ARAP3: variants seen among roughly 807,000 people sequenced by gnomAD.
The protein encoded by ARAP3 is arf-GAP with Rho-GAP domain, ANK repeat and PH domain-containing protein 3.
ARAP3 carries 82 observed loss-of-function variants against 169.2 expected under a neutral mutation model. The observed-to-expected ratio is 0.48, with a 90% CI of 0.41 to 0.58. ARAP3 has a LOEUF of 0.58. Among genes scored for constraint, ARAP3 ranks in the 20% least tolerant of loss-of-function variants. ARAP3 has a pLI of 0.00. For synonymous variants in ARAP3, 791 were observed against 800.3 expected (o/e 0.99, Z 0.20); for missense variants, 1,764 against 2,018.0 (o/e 0.87, Z 2.41).
Position 141,671,504 on chromosome 5 carries a change from A to T in ARAP3, c.1854+66T>A. 6.2e-7 allele frequency: 1 copy of T among 1,608,844 alleles called. No individual in the cohort carries two copies. The highest frequency in any genetic ancestry group is 1.7e-5 in the Admixed American group (1 of 59,572). Reference sequence around the variant, plus strand: ...CAGTCCCCACCACCCAAGTCTAGGCATTCCAACTCCAGAGAGTGTTTCCTG... The same window carrying T: ...CAGTCCCCACCACCCAAGTCTAGGCTTTCCAACTCCAGAGAGTGTTTCCTG... On this transcript the variant is annotated intron_variant, in intron 12 of 32. Coordinates refer to ENST00000239440, the MANE Select transcript of ARAP3 (RefSeq NM_022481.6). The surrounding 1 kb of genome is among the most constrained non-coding windows in gnomAD (Gnocchi z 4.9).
intron 25 of ARAP3, 55 bp from the exon 26 acceptor site, chr5:141,656,901 C>G (rs2099909332): frequency 3.2e-6 from 5 of 1,550,032 alleles, no homozygotes; most frequent in Admixed American, 2.0e-5. Context: ...TACTAAGCCC[C>G]CAGCTCTCAC....
At chr5:141,666,671 A>C in intron 16 of ARAP3, 28 bp from the exon 17 acceptor site, 5 of 1,230,652 alleles carry the variant, frequency 4.1e-6, no homozygotes, top group African/African-American at 1.6e-5. Context: ...GGACAGGAGA[A>C]AGGGGGATGG....
Position 141,671,808 on chromosome 5 carries a change from TTC to T in ARAP3, c.1672-58_1672-57del, listed in dbSNP as rs2099911488. 1 of 1,607,608 alleles carries T rather than the reference TTC, an allele frequency of 6.2e-7. No individual in the cohort carries two copies. The highest frequency in any genetic ancestry group is 8.5e-7 in the Non-Finnish European group (1 of 1,175,882). On this transcript the variant is annotated intron_variant, in intron 11 of 32. Coordinates refer to ENST00000239440, the MANE Select transcript of ARAP3 (RefSeq NM_022481.6). This position sits in a 1 kb window ranked among gnomAD's most constrained non-coding sequence, Gnocchi z 4.9. ...ACAGGAACTCAAGAGTCCTCAGATG[TTC>T]CATTCCTGTCCCCAGGCTGGCCCAA...
Position 141,672,031 on chromosome 5 carries a change from TGGCACG to T in ARAP3, c.1586-57_1586-52del. ...GGTGTGTGAGGGTGTGAGGGGCATGTGGCACGGGTACCCTGAGCCCTCTAGTCCCAG... is the reference window on the plus strand; with the variant it reads ...GGTGTGTGAGGGTGTGAGGGGCATGTGGTACCCTGAGCCCTCTAGTCCCAG... On this transcript the variant is annotated intron_variant, in intron 10 of 32. Coordinates refer to ENST00000239440, the MANE Select transcript of ARAP3 (RefSeq NM_022481.6). The surrounding 1 kb of genome is among the most constrained non-coding windows in gnomAD (Gnocchi z 4.9). 3 of 1,613,912 alleles carry T rather than the reference TGGCACG, an allele frequency of 1.9e-6. No individual in the cohort carries two copies. The highest frequency in any genetic ancestry group is 2.5e-6 in the Non-Finnish European group (3 of 1,179,876).
At position 141,672,320 on chromosome 5, in the gene ARAP3, G is replaced by A. The variant is rs753215393; in HGVS notation, c.1386-19C>T. ...TGTGAAGCTGAGGGGTGGACAGCCA[G>A]TCCATGGGCATGGACCTACCTGCCA... On this transcript the variant is annotated intron_variant, in intron 9 of 32. Coordinates refer to ENST00000239440, the MANE Select transcript of ARAP3 (RefSeq NM_022481.6). The surrounding 1 kb of genome is among the most constrained non-coding windows in gnomAD (Gnocchi z 4.9). 1 of 1,613,722 alleles carries A rather than the reference G, an allele frequency of 6.2e-7. No homozygotes were observed. The highest frequency in any genetic ancestry group is 1.7e-5 in the Admixed American group (1 of 59,996).
In ARAP3 at chr5:141,659,491, A is replaced by G; in HGVS notation, c.3268-15T>C. 6.2e-7 allele frequency: 1 copy of G among 1,614,024 alleles called. No individual in the cohort carries two copies. Among genetic ancestry groups the G allele is most frequent in the African/African-American group, 1.3e-5 (1 of 75,046 alleles). On this transcript the variant is annotated splice_polypyrimidine_tract_variant and intron_variant, in intron 22 of 32. Transcript: ENST00000239440. ...TCAGAATCGATCTGTGAAAGAGCCAAAAGAGAGTGTTGGGGTGCTGGAAGA... is the reference window on the plus strand; with the variant it reads ...TCAGAATCGATCTGTGAAAGAGCCAGAAGAGAGTGTTGGGGTGCTGGAAGA...
intron 4 of ARAP3, among the ~76,000 whole-genome samples, chr5:141,675,623 T>G (rs1025850551): frequency 1.3e-5 from 2 of 151,566 alleles, no homozygotes; most frequent in African/African-American, 4.9e-5. Flanking sequence ...CTCGGGAGGC[T>G]GAGGCAAGAT....
intron 1 of ARAP3, 60 bp from the exon 2 acceptor site, chr5:141,680,563 G>A (rs2099912820): frequency 6.7e-7 from 1 of 1,498,950 alleles, no homozygotes; most frequent in Non-Finnish European, 8.9e-7. Context: ...CTCTGCCCCA[G>A]AGTCTGAGGC....
At position 141,679,591 on chromosome 5, in the gene ARAP3, CG is replaced by C. The variant is rs2154599309; in HGVS notation, c.651del (p.Asp218ThrfsTer77). ...GVQPVGTPGA[P>X]DRRESRGVCQ... is the part of the protein sequence containing the mutation. ...CAAACACCTCTGCTCTCTCTTCTGT[CG>C]GGGGCTCCTGGAGTCCCCACAGGTT... is the stretch of plus-strand genomic sequence containing the variant. On this transcript the variant is annotated frameshift_variant, in exon 4 of 33. Transcript: ENST00000239440. LOFTEE classifies it high-confidence loss of function. The C allele has an allele frequency of 1.9e-6, 3 of 1,614,048 alleles. No homozygotes were observed. Among genetic ancestry groups the C allele is most frequent in the Non-Finnish European group, 2.5e-6 (3 of 1,180,002 alleles).
intron 19 of ARAP3, 61 bp downstream of exon 19, chr5:141,664,861 A>T: frequency 4.7e-6 from 2 of 422,242 alleles, no homozygotes; most frequent in Non-Finnish European, 9.5e-6. Flanking sequence ...CACGTTCTCC[A>T]CCCCCTCATC....
chr5:141,654,741 C>CTT (rs1351285657), intron 32 of ARAP3, among the ~76,000 whole-genome samples: 12 of 141,264 alleles, frequency 8.5e-5, no homozygotes, highest in East Asian at 2.0e-4. Flanking sequence ...CAACTTTTTC[C>CTT]TTTTTTTTTT....
chr5:141,679,766 C>A lies in ARAP3; in HGVS notation c.581G>T (p.Gly194Val). Residue 194 changes from glycine (G) to valine (V), a missense_variant, in exon 3 of 33, where the codon GGC becomes GTC. By Grantham distance (109) the Gly-to-Val change is moderately radical (BLOSUM62 -3). This residue lies in a region of ARAP3 where 630 missense variants were observed against 678.7 expected (regional missense o/e 0.93). Transcript: ENST00000239440. ...ACCCGTGATAACCCAGTTACCTGTG[C>A]CTGTTGTGGGCCTGAGGGCAGGGGT... ...APTPALRPTT[G>V]TVHIMDPGCL... 4 of 1,614,076 alleles carry A rather than the reference C, an allele frequency of 2.5e-6. No individual in the cohort carries two copies. The highest frequency in any genetic ancestry group is 3.4e-6 in the Non-Finnish European group (4 of 1,180,012).
chr5:141,664,896 C>A, intron 19 of ARAP3, 26 bp downstream of exon 19: 1 of 679,646 alleles, frequency 1.5e-6, no homozygotes. Context: ...CCCCCATTGG[C>A]TCAGTACCAG....
rs1379079570 is a variant in ARAP3 at position 141,656,506 on chromosome 5, T to G, written c.3787A>C (p.Lys1263Gln). 1 of 1,611,588 alleles carries G rather than the reference T, an allele frequency of 6.2e-7. No individual in the cohort carries two copies. The highest frequency in any genetic ancestry group is 1.7e-5 in the Admixed American group (1 of 59,646). The change falls in exon 27 of 33, where the codon AAA (lysine) becomes CAA (glutamine). Residue 1263 changes from lysine (K) to glutamine (Q), a missense_variant and splice_region_variant. This residue lies in a region of ARAP3 where 1,112 missense variants were observed against 1,285.7 expected (regional missense o/e 0.86). Transcript: ENST00000239440. Reference protein sequence around the residue: ...GRCLLLLKEKKSSKPEREWPL... With the variant: ...GRCLLLLKEKQSSKPEREWPL... Reference sequence around the variant, plus strand: ...CACCTCTGGCCCCAGGGCCTCACTTTCTTCTCCTTGAGCAGCAGCAGGCAG... The same window carrying G: ...CACCTCTGGCCCCAGGGCCTCACTTGCTTCTCCTTGAGCAGCAGCAGGCAG...
chr5:141,653,862 C>T lies in ARAP3; in HGVS notation c.*88G>A. 6.7e-7 allele frequency: 1 copy of T among 1,487,870 alleles called. No individual in the cohort carries two copies. The highest frequency in any genetic ancestry group is 9.0e-7 in the Non-Finnish European group (1 of 1,117,100). The allele number at this position is 1,487,870 out of a possible 1,614,324, so 92.2% of individuals were successfully genotyped here. ...ACCACACTGGATTCTGGAGTCTTTCCAGCCAGGGCAGAGGAAGCTGCAACA... is the reference window on the plus strand; with the variant it reads ...ACCACACTGGATTCTGGAGTCTTTCTAGCCAGGGCAGAGGAAGCTGCAACA... On this transcript the variant is annotated 3_prime_UTR_variant, in exon 33 of 33. Transcript: ENST00000239440.
rs770797533 is a variant in ARAP3 at position 141,673,064 on chromosome 5, A to G, written c.1042T>C (p.Phe348Leu). Residue 348 changes from phenylalanine to leucine, a missense_variant, in exon 7 of 33, where the codon TTC becomes CTC. By Grantham distance (22) the Phe-to-Leu change is conservative (BLOSUM62 0). Around this residue, in one of 3 missense-constraint regions of ARAP3, gnomAD observed 630 missense variants for 678.7 expected, o/e 0.93. Coordinates refer to ENST00000239440, the MANE Select transcript of ARAP3 (RefSeq NM_022481.6). ...EMTRSSKDNK[F>L]QVITGQRVFV... Reference sequence around the variant, plus strand: ...ACCCTCTGGCCGGTGATGACCTGGAACTTGTTGTCCTTGCTGCTGCGGGTC... The same window carrying G: ...ACCCTCTGGCCGGTGATGACCTGGAGCTTGTTGTCCTTGCTGCTGCGGGTC... 1.2e-5 allele frequency: 19 copies of G among 1,613,972 alleles called. No individual in the cohort carries two copies. Among genetic ancestry groups the G allele is most frequent in the Non-Finnish European group, 1.6e-5 (19 of 1,180,012 alleles).
intron 21 of ARAP3, 114 bp downstream of exon 21, chr5:141,661,565 CCTTCA>C: frequency 9.4e-7 from 1 of 1,062,750 alleles, no homozygotes; most frequent in Admixed American, 2.0e-5. Context: ...TGCTATGATA[CCTTCA>C]CTTAACAACT....
intron 23 of ARAP3, 21 bp from the exon 24 acceptor site, chr5:141,658,674 GTC>G (rs1258462413): frequency 5.7e-6 from 9 of 1,568,806 alleles, no homozygotes; most frequent in Admixed American, 4.3e-5. Flanking sequence ...GGGTAAAAAA[GTC>G]AGAAGGGCAA....
At position 141,655,352 on chromosome 5, in the gene ARAP3, C is replaced by T. The variant is rs1342057534; in HGVS notation, c.4149+10G>A. The T allele has an allele frequency of 6.3e-7, 1 of 1,575,328 alleles. No individual in the cohort carries two copies. The highest frequency in any genetic ancestry group is 1.9e-5 in the Admixed American group (1 of 53,922). ...GACAGGCACACCGCTGGAGCAGGCACAATACTCACAAAGAACATGGACAGG... is the reference window on the plus strand; with the variant it reads ...GACAGGCACACCGCTGGAGCAGGCATAATACTCACAAAGAACATGGACAGG... On this transcript the variant is annotated intron_variant, in intron 32 of 32. Transcript: ENST00000239440.
Sources: gnomAD v4.1 joint callset for allele counts (sites outside exome capture counted in the v4.1 genomes callset) on GRCh38, gnomAD v4.1.1 for gene constraint, gnomAD v4.1.1 regional missense constraint, Gnocchi (gnomAD v3.1) non-coding constraint, MANE v1.5 for transcripts, NCBI Gene and HGNC (gene_info 2026-07-23, HGNC 2026-07-21) for gene names.